ABCA7: variants seen among roughly 807,000 people sequenced by gnomAD.
ABCA7 encodes ATP binding cassette subfamily A member 7, also known as phospholipid-transporting ATPase ABCA7.
A neutral mutation model predicts 227.6 loss-of-function variants in ABCA7; 261 were observed. The observed-to-expected ratio is 1.15, with a 90% CI of 1.04 to 1.27. ABCA7 has a LOEUF of 1.27. Ranked by LOEUF, ABCA7 falls within the 50% of genes most tolerant of loss-of-function variation. The pLI, the probability that ABCA7 is intolerant of heterozygous loss-of-function variation, is 0.00. For missense variants in ABCA7, 3,331 were observed against 2,924.5 expected, an observed-to-expected ratio of 1.14 and a Z score of -3.21; for synonymous variants, 1,488 against 1,279.7, an observed-to-expected ratio of 1.16 and a Z score of -3.47.
At position 1,054,918 on chromosome 19, in the gene ABCA7, C is replaced by T. The variant is rs1296239948; in HGVS notation, c.3950+40C>T. On this transcript the variant is annotated intron_variant, in intron 29 of 46. Transcript: ENST00000263094. This position sits in a 1 kb window ranked among gnomAD's most constrained non-coding sequence, Gnocchi z 4.8. ...TGGCCTGGACCTTTCCCCTCTCTGG[C>T]CTCAGTTTTCCCATCTGGTCCCTGG... The T allele has an allele frequency of 6.5e-7, 1 of 1,550,232 alleles. No homozygotes were observed.
At chr19:1,055,390 C>T (rs1445953542) in intron 30 of ABCA7, 39 bp downstream of exon 30, 2 of 1,524,636 alleles carry the variant, frequency 1.3e-6, no homozygotes, top group South Asian at 2.5e-5. Flanking sequence ...CTGGCTATAG[C>T]ATGGGTCCTT....
intron 46 of ABCA7, 40 bp from the exon 47 acceptor site, chr19:1,065,230 T>C: frequency 6.2e-7 from 1 of 1,608,198 alleles, no homozygotes; most frequent in Non-Finnish European, 8.5e-7. Context: ...GCCCGTGGGC[T>C]GACCGTCCCT....
Position 1,054,151 on chromosome 19 carries a change from C to A in ABCA7, c.3577+41C>A. On this transcript the variant is annotated intron_variant, in intron 26 of 46. Coordinates refer to ENST00000263094, the MANE Select transcript of ABCA7 (RefSeq NM_019112.4). The surrounding 1 kb of genome is among the most constrained non-coding windows in gnomAD (Gnocchi z 4.8). Reference sequence around the variant, plus strand: ...TGGCCCTGGGGTCCTCCCAGCCACCCCCCCACAGCAGCGTGAGCACTGACC... The same window carrying A: ...TGGCCCTGGGGTCCTCCCAGCCACCACCCCACAGCAGCGTGAGCACTGACC... 1 of 1,612,340 alleles carries A rather than the reference C, an allele frequency of 6.2e-7. No individual in the cohort carries two copies. Among genetic ancestry groups the A allele is most frequent in the Non-Finnish European group, 8.5e-7 (1 of 1,179,614 alleles).
intron 21 of ABCA7, 100 bp from the exon 22 acceptor site, chr19:1,051,842 G>T (rs1280077655): frequency 1.9e-5 from 28 of 1,463,646 alleles, no homozygotes; most frequent in Non-Finnish European, 2.4e-5. Context: ...GGGATGAATA[G>T]GAGTTTGCTT....
chr19:1,048,828 A>AC (rs1568294420), intron 16 of ABCA7, 67 bp from the exon 17 acceptor site: 3 of 915,344 alleles, frequency 3.3e-6, no homozygotes, highest in East Asian at 3.0e-5. Context: ...AAAAAACAAA[A>AC]CCCCAAAAAA....
In ABCA7 at chr19:1,054,993, G is replaced by A; in HGVS notation, c.3951-104G>A. 1 of 1,531,516 alleles carries A rather than the reference G, an allele frequency of 6.5e-7. No homozygotes were observed. Among genetic ancestry groups the A allele is most frequent in the East Asian group, 2.3e-5 (1 of 43,984 alleles). 94.9% of individuals were successfully genotyped at this position (1,531,516 alleles called of 1,614,324 possible). On this transcript the variant is annotated intron_variant, in intron 29 of 46. Transcript: ENST00000263094. This position sits in a 1 kb window ranked among gnomAD's most constrained non-coding sequence, Gnocchi z 4.8. ...GAGCATCCCCTGTGCCCACCTGGGA[G>A]CTGGGAGCCTCTGTGGCTCCAGGAA...
intron 40 of ABCA7, 105 bp downstream of exon 40, chr19:1,059,190 T>C (rs2042487124): frequency 4.1e-6 from 5 of 1,206,100 alleles, no homozygotes; most frequent in Non-Finnish European, 5.6e-6. Context: ...TCCACCACCT[T>C]TTATTGGGCA....
intron 39 of ABCA7, 24 bp from the exon 40 acceptor site, chr19:1,058,999 T>C: frequency 6.2e-7 from 1 of 1,613,844 alleles, no homozygotes; most frequent in Non-Finnish European, 8.5e-7. Context: ...CACTCACCTT[T>C]CTGAAAGACC....
In ABCA7 at chr19:1,065,164, T is replaced by A; in HGVS notation, c.6278T>A (p.Leu2093Gln). ...VEDFSVSQTMLEEVFLYFSKD... is the reference protein window; with the variant it reads ...VEDFSVSQTMQEEVFLYFSKD... ...GACTTTTCCGTGAGCCAGACGATGC[T>A]GGAGGAGGTGATCACGGCGCCGGGG... The change falls in exon 46 of 47, where the codon CTG becomes CAG. Residue 2093 changes from leucine (L) to glutamine (Q), a missense_variant. By Grantham distance (113) the Leu-to-Gln change is moderately radical (BLOSUM62 -2). Coordinates refer to ENST00000263094, the MANE Select transcript of ABCA7 (RefSeq NM_019112.4). 6.3e-7 allele frequency: 1 copy of A among 1,594,342 alleles called. No homozygotes were observed. Among genetic ancestry groups the A allele is most frequent in the Non-Finnish European group, 8.6e-7 (1 of 1,168,362 alleles).
intron 12 of ABCA7, 59 bp downstream of exon 12, chr19:1,045,290 G>A: frequency 6.9e-7 from 1 of 1,457,780 alleles, no homozygotes; most frequent in Admixed American, 1.9e-5. Context: ...AGCGTGGTGG[G>A]TGGGGCCAGG....
rs1291895462 is a variant in ABCA7, at chr19:1,053,469, G to C, written c.3361G>C (p.Asp1121His). The C allele has an allele frequency of 1.3e-6, 2 of 1,596,176 alleles. No individual in the cohort carries two copies. Among genetic ancestry groups the C allele is most frequent in the Admixed American group, 1.7e-5 (1 of 58,100 alleles). ...GSFATLFRELDTRLAELRLTG... is the reference protein window; with the variant it reads ...GSFATLFRELHTRLAELRLTG... ...CTTCGCCACACTCTTCCGAGAGCTA[G>C]ACACGCGGCTGGCGGAGCTGAGGCT... The change falls in exon 24 of 47, where the codon GAC becomes CAC. Residue 1121 changes from aspartate to histidine, a missense_variant. Transcript: ENST00000263094.
Position 1,063,624 on chromosome 19 carries a change from A to T in ABCA7, c.5793A>T (p.Lys1931Asn). The T allele has an allele frequency of 6.2e-7, 1 of 1,611,432 alleles. No homozygotes were observed. Among genetic ancestry groups the T allele is most frequent in the Non-Finnish European group, 8.5e-7 (1 of 1,179,878 alleles). Residue 1931 changes from lysine to asparagine, a missense_variant, in exon 43 of 47, where the codon AAA becomes AAT. Physicochemically the swap from Lys to Asn is moderately conservative, Grantham distance 94. Coordinates refer to ENST00000263094, the MANE Select transcript of ABCA7 (RefSeq NM_019112.4). Reference protein sequence around the residue: ...RPAGTYSGGNKRKLATALALV... With the variant: ...RPAGTYSGGNNRKLATALALV... ...CAGGCACCTACAGCGGAGGGAACAA[A>T]CGCAAGCTGGCGACGGCCCTGGCGC...
rs201168994 is a variant in ABCA7 at position 1,056,925 on chromosome 19, C to T, written c.4605C>T (p.Asp1535=). ...SEGALMASSV[D]VLVSICVVFA... ...CCTCCAGGATGGCCTCCTCGGTGGACGTCCTCGTCTCCATCTGTGTGGTCT... is the reference window on the plus strand; with the variant it reads ...CCTCCAGGATGGCCTCCTCGGTGGATGTCCTCGTCTCCATCTGTGTGGTCT... The change falls in exon 34 of 47, where the codon GAC becomes GAT. Residue 1535 remains aspartate, a synonymous_variant. Transcript: ENST00000263094. This position sits in a 1 kb window ranked among gnomAD's most constrained non-coding sequence, Gnocchi z 4.3. 2.2e-5 allele frequency: 35 copies of T among 1,613,708 alleles called. No individual in the cohort carries two copies. In the Middle Eastern group the frequency reaches 5.0e-4, roughly 23 times the overall value.
Position 1,049,280 on chromosome 19 carries a change from G to C in ABCA7, c.2395G>C (p.Ala799Pro), listed in dbSNP as rs748352165. The change falls in exon 18 of 47, where the codon GCA becomes CCA. Residue 799 changes from alanine (A) to proline (P), a missense_variant. By Grantham distance (27) the Ala-to-Pro change is conservative (BLOSUM62 -1). Transcript: ENST00000263094. ...CATCTCTGCAGTGCTGGTAGAAGAG[G>C]CACCGCCCGGCCTGAGTCCTGGCGT... is the stretch of plus-strand genomic sequence containing the variant. Reference protein sequence around the residue: ...PLDPKVLVEEAPPGLSPGVSV... With the variant: ...PLDPKVLVEEPPPGLSPGVSV... 1 of 1,606,812 alleles carries C rather than the reference G, an allele frequency of 6.2e-7. No individual in the cohort carries two copies. The highest frequency in any genetic ancestry group is 2.2e-5 in the East Asian group (1 of 44,778).
At chr19:1,058,351 GA>G in intron 37 of ABCA7, 82 bp downstream of exon 37, 1 of 1,552,626 alleles carries the variant, frequency 6.4e-7, no homozygotes, top group Non-Finnish European at 8.7e-7. Context: ...ACAGAGTGGA[GA>G]AAAACAGCCC....
In ABCA7 at chr19:1,058,164, C is replaced by T. The variant is rs778725601; in HGVS notation, c.5044C>T (p.Arg1682Trp). 101 of 1,613,692 alleles carry T rather than the reference C, an allele frequency of 6.3e-5. No homozygotes were observed. In the South Asian group the frequency reaches 7.8e-4, roughly 12 times the overall value. The change falls in exon 37 of 47, where the codon CGG becomes TGG. Residue 1682 changes from arginine (R) to tryptophan (W), a missense_variant. By Grantham distance (101) the Arg-to-Trp change is moderately radical. Coordinates refer to ENST00000263094, the MANE Select transcript of ABCA7 (RefSeq NM_019112.4). ...TGAGCAGAAGCTGCAGGAGGTGAGCCGGATCTTGAAACAGGTCTTCCTTAT... is the reference window on the plus strand; with the variant it reads ...TGAGCAGAAGCTGCAGGAGGTGAGCTGGATCTTGAAACAGGTCTTCCTTAT... ...FSDQKLQEVSRILKQVFLIFP... is the reference protein window; with the variant it reads ...FSDQKLQEVSWILKQVFLIFP...
At position 1,054,508 on chromosome 19, in the gene ABCA7, G is replaced by A; in HGVS notation, c.3727-62G>A. 4 of 1,585,320 alleles carry A rather than the reference G, an allele frequency of 2.5e-6. No individual in the cohort carries two copies. The highest frequency in any genetic ancestry group is 3.4e-6 in the Non-Finnish European group (4 of 1,163,926). ...ATGGGTGGTTGTAGAGCAGGAGCAG[G>A]GACAGGTGCAAGCAAGCCTGGAGGG... On this transcript the variant is annotated intron_variant, in intron 27 of 46. Transcript: ENST00000263094. The surrounding 1 kb of genome is among the most constrained non-coding windows in gnomAD (Gnocchi z 4.8).
intron 23 of ABCA7, among the ~76,000 whole-genome samples, chr19:1,052,885 C>T (rs76654162): frequency 0.041 from 6,232 of 152,076 alleles, 169 homozygotes; most frequent in South Asian, 0.089. Flanking sequence ...CTAGGTCCAG[C>T]ACTGCCCTCA....
At chr19:1,050,807 AATAATAATAATAAATAAT>A in intron 18 of ABCA7, 96 bp from the exon 19 acceptor site, 1 of 466,718 alleles carries the variant, frequency 2.1e-6, no homozygotes, top group Non-Finnish European at 2.8e-6. Context: ...TAATAATAAT[AATAATAATAATAAATAAT>A]TAAAAATTTT....
Sources: gnomAD v4.1 joint callset for allele counts (sites outside exome capture counted in the v4.1 genomes callset) on GRCh38, gnomAD v4.1.1 for gene constraint, Gnocchi (gnomAD v3.1) non-coding constraint, MANE v1.5 for transcripts, NCBI Gene and HGNC (gene_info 2026-07-23, HGNC 2026-07-21) for gene names.